SATB2: variants seen among roughly 807,000 people sequenced by gnomAD.
The protein encoded by SATB2 is SATB homeobox 2.
Under a neutral mutation model 73.4 loss-of-function variants are expected in SATB2, and 1 was observed. The ratio of observed to expected loss-of-function variants is 0.01; its 90% CI spans 0.00 to 0.06. The LOEUF is 0.06. Ranked by LOEUF, SATB2 falls within the 10% of genes least tolerant of loss-of-function variation. The pLI is 1.00. For synonymous variants in SATB2, 397 were observed against 367.0 expected (o/e 1.08, Z -0.93); for missense variants, 459 against 945.8 (o/e 0.49, Z 6.75).
At chr2:199,280,658 TC>T (rs1315550551) in intron 10 of SATB2, among the ~76,000 whole-genome samples, 1 of 152,064 alleles carries the variant, frequency 6.6e-6, no homozygotes, top group East Asian at 1.9e-4. Context: ...AGCCCCAGTC[TC>T]CCGTAGCACT....
At chr2:199,380,831 C>A (rs569343806) in intron 4 of SATB2, among the ~76,000 whole-genome samples, 1 of 152,208 alleles carries the variant, frequency 6.6e-6, no homozygotes, top group South Asian at 2.1e-4. Flanking sequence ...ATTGTGCATG[C>A]CTAAGGTTAA....
intron 7 of SATB2, among the ~76,000 whole-genome samples, chr2:199,337,462 A>G (rs1385588497): frequency 6.6e-6 from 1 of 152,216 alleles, no homozygotes; most frequent in Non-Finnish European, 1.5e-5. Flanking sequence ...AAAAAACCTT[A>G]CAAAGTACCA....
intron 6 of SATB2, among the ~76,000 whole-genome samples, chr2:199,361,540 A>T (rs539233387): frequency 6.6e-6 from 1 of 150,456 alleles, no homozygotes; most frequent in Admixed American, 6.6e-5. Flanking sequence ...CCTGCCATAC[A>T]CCCACTCACA....
chr2:199,280,623 C>T (rs1392150798), intron 10 of SATB2, among the ~76,000 whole-genome samples: 11 of 152,194 alleles, frequency 7.2e-5, no homozygotes, highest in East Asian at 1.9e-4. Context: ...CTGTCTTTTA[C>T]GATCACAGCT....
chr2:199,329,579 G>C (rs2121379), intron 7 of SATB2, among the ~76,000 whole-genome samples: 143,824 of 152,106 alleles, frequency 0.95, 68,534 homozygotes, highest in East Asian at 1. Context: ...AAACCCTAAT[G>C]TCACCATTAA....
chr2:199,293,273 T>G (rs1329706959), intron 10 of SATB2, among the ~76,000 whole-genome samples: 2 of 152,108 alleles, frequency 1.3e-5, no homozygotes, highest in East Asian at 3.9e-4. Flanking sequence ...TTTCTAGTGA[T>G]TTGCCACCAA....
intron 1 of SATB2, among the ~76,000 whole-genome samples, chr2:199,456,975 T>TG (rs71397724): frequency 0.57 from 71,230 of 125,654 alleles, 18,196 homozygotes; most frequent in Admixed American, 0.67. Context: ...ATTGGGGGGG[T>TG]GGGGGGGGGC....
In SATB2 at chr2:199,282,217, T is replaced by A. The variant is rs530959514; in HGVS notation, c.1741-9545A>T. Among the ~76,000 whole-genome samples the A allele has an allele frequency of 3.2e-4, 49 of 152,320 alleles. 1 individual carries two copies. Among genetic ancestry groups the A allele is most frequent in the African/African-American group, 1.1e-3 (47 of 41,582 alleles). On this transcript the variant is annotated intron_variant, in intron 10 of 10. Transcript: ENST00000417098. The stretch of plus-strand genomic sequence containing the variant: ...TTCTTTACTTTCAGATCAGTTACTA[T>A]TCTTGTTCAGCAAAACTAGTTATTA...
intron 5 of SATB2, among the ~76,000 whole-genome samples, chr2:199,369,678 C>G (rs897420287): frequency 6.6e-6 from 1 of 151,990 alleles, no homozygotes; most frequent in African/African-American, 2.4e-5. Flanking sequence ...AAAAGTTAGC[C>G]CCAGACATAG....
chr2:199,349,169 T>G lies in SATB2; in HGVS notation c.705A>C (p.Glu235Asp). The G allele has an allele frequency of 6.2e-7, 1 of 1,610,000 alleles. No individual in the cohort carries two copies. The highest frequency in any genetic ancestry group is 8.5e-7 in the Non-Finnish European group (1 of 1,176,746). The change falls in exon 7 of 11, where the codon GAA becomes GAC. Residue 235 changes from glutamate to aspartate, a missense_variant. By Grantham distance (45) the Glu-to-Asp change is conservative. This residue lies in a region of SATB2 where 77 missense variants were observed against 90.4 expected (regional missense o/e 0.85). Coordinates refer to ENST00000417098, the MANE Select transcript of SATB2 (RefSeq NM_001172509.2). ...CTGAAAGGTTTTCTCGTTCCACTCT[T>G]TCCACTGTTAAGAGATAAAAGTGAT... ...WYKKYKKIKVERVERENLSDY... is the reference protein window; with the variant it reads ...WYKKYKKIKVDRVERENLSDY...
chr2:199,467,334 C>T (rs954069438), upstream of SATB2: 2 of 152,208 alleles, frequency 1.3e-5, no homozygotes, highest in Admixed American at 1.3e-4. Context: ...CCAGTTTCCG[C>T]GTGGCGAAAA....
At chr2:199,343,555 A>C (rs1032506588) in intron 7 of SATB2, among the ~76,000 whole-genome samples, 1 of 152,180 alleles carries the variant, frequency 6.6e-6, no homozygotes, top group Non-Finnish European at 1.5e-5. Flanking sequence ...GCTGTTAGTG[A>C]CTACAGTACA....
chr2:199,459,167 C>T (rs781219087), upstream of SATB2, among the ~76,000 whole-genome samples: 204 of 152,170 alleles, frequency 1.3e-3, no homozygotes, highest in Middle Eastern at 0.014. The surrounding 1 kb of genome is among the most constrained non-coding windows in gnomAD (Gnocchi z 4.2). Context: ...GACTGGGGCT[C>T]CTGGGGACCC....
intron 3 of SATB2, among the ~76,000 whole-genome samples, chr2:199,394,380 T>C (rs1360628265): frequency 6.6e-6 from 1 of 152,150 alleles, no homozygotes; most frequent in Non-Finnish European, 1.5e-5. Context: ...ACCCTCCACA[T>C]GTCGACAAGA....
intron 7 of SATB2, among the ~76,000 whole-genome samples, chr2:199,331,410 T>C (rs1688187487): frequency 6.6e-6 from 1 of 152,154 alleles, no homozygotes; most frequent in Admixed American, 6.6e-5. Flanking sequence ...ATATACTGTT[T>C]CCTCTGTTTC....
In SATB2 at chr2:199,283,232, C is replaced by T. The variant is rs975090717; in HGVS notation, c.1741-10560G>A. Among the ~76,000 whole-genome samples, 14 of 149,340 alleles carry T rather than the reference C, an allele frequency of 9.4e-5. No individual in the cohort carries two copies. The East Asian group carries it at 2.2e-3, about 24-fold the overall frequency. On this transcript the variant is annotated intron_variant, in intron 10 of 10. Coordinates refer to ENST00000417098, the MANE Select transcript of SATB2 (RefSeq NM_001172509.2). ...TTGAGTAGCTGGGAATACAGGCGCC[C>T]GCCACCATGCCTAGCTATTTTTTTT...
chr2:199,276,846 A>G (rs1267285736), intron 10 of SATB2, among the ~76,000 whole-genome samples: 1 of 152,190 alleles, frequency 6.6e-6, no homozygotes, highest in Non-Finnish European at 1.5e-5. Flanking sequence ...ACTGTATAAA[A>G]CCAGAAATGA....
intron 8 of SATB2, among the ~76,000 whole-genome samples, chr2:199,325,713 G>A (rs1230747915): frequency 2.0e-5 from 3 of 152,008 alleles, no homozygotes; most frequent in Non-Finnish European, 4.4e-5. Flanking sequence ...GGGCTAAGAC[G>A]AAACCCCTCA....
In SATB2 at chr2:199,271,007, G is replaced by A. The variant is rs1389202662; in HGVS notation, c.*1204C>T. The A allele has an allele frequency of 6.6e-6, 1 of 152,326 alleles. No homozygotes were observed. The allele number at this position is 152,326 out of a possible 1,614,324, so 9.4% of individuals were successfully genotyped here. A position where few individuals can be genotyped will look rare whatever the true frequency, so the allele number is the denominator to read the frequency against. On this transcript the variant is annotated 3_prime_UTR_variant, in exon 11 of 11. Coordinates refer to ENST00000417098, the MANE Select transcript of SATB2 (RefSeq NM_001172509.2). ...AAATCAGAAATGTCTTTTGGGAGAG[G>A]GAAGGATGGAGATTTATTTGAGAGG...
Sources: gnomAD v4.1 joint callset for allele counts (sites outside exome capture counted in the v4.1 genomes callset) on GRCh38, gnomAD v4.1.1 for gene constraint, gnomAD v4.1.1 regional missense constraint, Gnocchi (gnomAD v3.1) non-coding constraint, MANE v1.5 for transcripts, NCBI Gene and HGNC (gene_info 2026-07-23, HGNC 2026-07-21) for gene names.